SYT3: variants seen among roughly 807,000 people sequenced by gnomAD.
SYT3 encodes the protein synaptotagmin 3.
A neutral mutation model predicts 50.6 loss-of-function variants in SYT3; 25 were observed. The ratio of observed to expected loss-of-function variants is 0.49; its 90% confidence interval spans 0.36 to 0.69. The LOEUF is 0.69. SYT3 is among the 30% of genes least tolerant of loss of function. The probability of loss-of-function intolerance (pLI) is 0.00; values close to 1 mark genes in which losing one functional copy is unlikely to be tolerated. For synonymous variants in SYT3, 323 were observed against 353.9 expected (o/e 0.91, Z 0.98); for missense variants, 589 against 793.6 (o/e 0.74, Z 3.10).
At chr19:50,624,998 GGGTAACT>G in intron 9 of SYT3, 157 bp downstream of exon 9, 2 of 610,078 alleles carry the variant, frequency 3.3e-6, no homozygotes, top group Non-Finnish European at 4.9e-6. Context: ...CAGAGCGCTT[GGGTAACT>G]GGCTCTAAGC....
At chr19:50,651,965 T>C in the SYT3 span, among the ~76,000 whole-genome samples, 6 of 152,332 alleles carry the variant, frequency 3.9e-5, no homozygotes, top group South Asian at 6.2e-4. Flanking sequence ...ATTTAACGCT[T>C]GTACAAGGCT....
At chr19:50,642,715 T>C (rs1471949088), upstream of SYT3, among the ~76,000 whole-genome samples, 1 of 152,088 alleles carries the variant, frequency 6.6e-6, no homozygotes, top group African/African-American at 2.4e-5. Flanking sequence ...ATGCCTGTAA[T>C]CTCAGCTACT....
In SYT3 at chr19:50,637,585, G is replaced by A. The variant is rs532190505; in HGVS notation, c.-15-159C>T. 8.4e-6 allele frequency: 5 copies of A among 596,716 alleles called. No homozygotes were observed. In the South Asian group the frequency reaches 1.2e-4, roughly 14 times the overall value. 37.0% of individuals were successfully genotyped at this position (596,716 alleles called of 1,614,324 possible). ...GCAGATGGATTAGGGATGGAGATTC[G>A]AGGAAGAAGGACAAGGTGACAGGTA... On this transcript the variant is annotated intron_variant, in intron 2 of 10. Coordinates refer to ENST00000600079, the MANE Select transcript of SYT3 (RefSeq NM_001160329.2). The surrounding 1 kb of genome is among the most constrained non-coding windows in gnomAD (Gnocchi z 4.9).
chr19:50,650,118 C>T, the SYT3 span, among the ~76,000 whole-genome samples: 1 of 152,190 alleles, frequency 6.6e-6, no homozygotes, highest in South Asian at 2.1e-4. Context: ...AGAGAGGTCT[C>T]TCTGACTTCC....
upstream of SYT3, among the ~76,000 whole-genome samples, chr19:50,641,219 G>A (rs1005254666): frequency 8.7e-6 from 1 of 115,274 alleles, no homozygotes; most frequent in South Asian, 3.1e-4. Flanking sequence ...TTGCTCTGTC[G>A]CCCAGGCTGG....
rs184504715 is a variant in SYT3 at position 50,631,538 on chromosome 19, G to A, written c.674+748C>T. 4.7e-3 allele frequency among the ~76,000 whole-genome samples: 721 copies of A among 152,220 alleles called. 11 individuals carry two copies. Among genetic ancestry groups the A allele is most frequent in the Non-Finnish European group, 8.4e-3 (571 of 68,004 alleles). On this transcript the variant is annotated intron_variant, in intron 4 of 10. Transcript: ENST00000600079. ...TTGGTGCCCTGGCTGTCCCCTTGGTGTGGGCTGTCCTCACAATGCACTAGG... is the reference window on the plus strand; with the variant it reads ...TTGGTGCCCTGGCTGTCCCCTTGGTATGGGCTGTCCTCACAATGCACTAGG...
In SYT3 at chr19:50,625,804, C is replaced by T. The variant is rs138371650; in HGVS notation, c.1402+93G>A. The stretch of plus-strand genomic sequence containing the variant: ...AGTCCAGATCCCCAGCTCCTCCTCC[C>T]TCAGACCCAGGAGTCCAGGCCCCTG... On this transcript the variant is annotated intron_variant, in intron 7 of 10. Coordinates refer to ENST00000600079, the MANE Select transcript of SYT3 (RefSeq NM_001160329.2). This position sits in a 1 kb window ranked among gnomAD's most constrained non-coding sequence, Gnocchi z 7.5. The T allele has an allele frequency of 0.046, 32,306 of 698,292 alleles. 10,856 individuals are homozygous for T. Among genetic ancestry groups the T allele is most frequent in the Middle Eastern group, 0.069 (172 of 2,480 alleles). The allele number at this position is 698,292 out of a possible 1,614,324, so 43.3% of individuals were successfully genotyped here.
intron 9 of SYT3, among the ~76,000 whole-genome samples, chr19:50,623,675 G>A (rs530238383): frequency 3.4e-5 from 5 of 145,196 alleles, no homozygotes; most frequent in Admixed American, 7.0e-5. Flanking sequence ...GGTGGCACAC[G>A]CCTGTAGTCC....
chr19:50,629,558 C>A, intron 5 of SYT3, 46 bp from the exon 6 acceptor site: 1 of 1,559,260 alleles, frequency 6.4e-7, no homozygotes, highest in Non-Finnish European at 8.8e-7. Flanking sequence ...CCCATAAGCC[C>A]CTCCTCCACA....
At position 50,629,304 on chromosome 19, in the gene SYT3, T is replaced by C; in HGVS notation, c.1271A>G (p.Glu424Gly). Residue 424 changes from glutamate (E) to glycine (G), a missense_variant, in exon 6 of 11, where the codon GAG becomes GGG. Glu to Gly is a moderately conservative substitution (Grantham distance 98, BLOSUM62 -2). This residue lies in a region of SYT3 where 273 missense variants were observed against 439.3 expected (regional missense o/e 0.62). Transcript: ENST00000600079. ...GAGAGGGCCACTGACCGAGCCGCCC[T>C]CCACGATGTCCCTCCAGAGCGGGCG... ...PDRPLWRDIV[E>G]GGSEKADLGE... The C allele has an allele frequency of 2.5e-6, 4 of 1,603,842 alleles. No homozygotes were observed. Among genetic ancestry groups the C allele is most frequent in the Non-Finnish European group, 3.4e-6 (4 of 1,173,270 alleles).
At chr19:50,648,647 C>T in the SYT3 span, among the ~76,000 whole-genome samples, 4 of 152,006 alleles carry the variant, frequency 2.6e-5, no homozygotes, top group East Asian at 7.7e-4. Flanking sequence ...GGAGTCCAGA[C>T]CCCAGGCCCT....
chr19:50,640,727 A>C (rs1387799309), upstream of SYT3, among the ~76,000 whole-genome samples: 1 of 152,212 alleles, frequency 6.6e-6, no homozygotes, highest in Non-Finnish European at 1.5e-5. Flanking sequence ...CTGATGAGAA[A>C]AAAAAAATCA....
At chr19:50,657,947 C>T in the SYT3 span, 10 of 1,490,938 alleles carry the variant, frequency 6.7e-6, no homozygotes, top group Non-Finnish European at 8.9e-6. Flanking sequence ...CCAAAATGAA[C>T]CAGGAGGCCA....
the SYT3 span, among the ~76,000 whole-genome samples, chr19:50,651,794 T>C: frequency 1.3e-5 from 2 of 152,174 alleles, no homozygotes; most frequent in Admixed American, 1.3e-4. Context: ...TTAATTTAAT[T>C]ACACATATAC....
the SYT3 span, among the ~76,000 whole-genome samples, chr19:50,647,964 A>G: frequency 6.6e-6 from 1 of 152,332 alleles, no homozygotes; most frequent in African/African-American, 2.4e-5. Context: ...GACTATTTCA[A>G]TCTGGACTGT....
At chr19:50,631,041 C>T (rs10414770) in intron 4 of SYT3, among the ~76,000 whole-genome samples, 20,078 of 152,112 alleles carry the variant, frequency 0.13, 1,837 homozygotes, top group African/African-American at 0.23. Context: ...CTGCTCACAG[C>T]CCTCCCATGG....
At position 50,625,025 on chromosome 19, in the gene SYT3, A is replaced by G. The variant is rs1046939146; in HGVS notation, c.1707+137T>C. The G allele has an allele frequency of 1.5e-5, 14 of 964,420 alleles. No individual in the cohort carries two copies. In the Admixed American group the frequency reaches 2.5e-4, roughly 17 times the overall value. The allele number at this position is 964,420 out of a possible 1,614,324, so 59.7% of individuals were successfully genotyped here. ...GTAACTGGCTCTAAGCCGCACAGCT[A>G]AAGTTGGCACAGCAGGGATTGAAAC... On this transcript the variant is annotated intron_variant, in intron 9 of 10. Coordinates refer to ENST00000600079, the MANE Select transcript of SYT3 (RefSeq NM_001160329.2). The surrounding 1 kb of genome is among the most constrained non-coding windows in gnomAD (Gnocchi z 7.5).
In SYT3 at chr19:50,629,895, C is replaced by G. The variant is rs1466453945; in HGVS notation, c.951G>C (p.Val317=). ...GGTCCAGGGCCTGCAGGATCCTCAC[C>G]ACCAGCTGGTCCGAGCCATAGAGGT... The part of the protein sequence containing the change: ...LRYLYGSDQL[V]VRILQALDLP... The change falls in exon 5 of 11, where the codon GTG becomes GTC. Residue 317 remains valine, a synonymous_variant. Transcript: ENST00000600079. The G allele has an allele frequency of 2.2e-5, 35 of 1,614,090 alleles. No homozygotes were observed. Among genetic ancestry groups the G allele is most frequent in the Non-Finnish European group, 3.0e-5 (35 of 1,179,998 alleles).
rs139958813 is a variant in SYT3 at position 50,625,279 on chromosome 19, C to T, written c.1590G>A (p.Glu530=). 94 of 1,541,050 alleles carry T rather than the reference C, an allele frequency of 6.1e-5. No individual in the cohort carries two copies. The highest frequency in any genetic ancestry group is 6.9e-5 in the Non-Finnish European group (79 of 1,146,926). The change falls in exon 9 of 11, where the codon GAG becomes GAA. Residue 530 remains glutamate, a synonymous_variant. Transcript: ENST00000600079. This position sits in a 1 kb window ranked among gnomAD's most constrained non-coding sequence, Gnocchi z 7.5. ...GGCCCACACGGCACACGCCGATCAC[C>T]TCGTTGTGCCCGATGCTGGGGGTTG... ...VVDYDCIGHN[E]VIGVCRVGPD...
Sources: allele counts gnomAD v4.1 joint callset (sites outside exome capture counted in the v4.1 genomes callset), GRCh38; gene constraint gnomAD v4.1.1; regional missense constraint gnomAD v4.1.1; non-coding constraint Gnocchi (gnomAD v3.1); transcripts MANE v1.5; gene names NCBI Gene and HGNC (gene_info 2026-07-23, HGNC 2026-07-21).